The following SHANK2 variants were observed in gnomAD, a reference collection of about 807,000 sequenced individuals.
The protein encoded by SHANK2 is SH3 and multiple ankyrin repeat domains protein 2.
Under a neutral mutation model 133.7 loss-of-function variants are expected in SHANK2, and 43 were observed. The observed-to-expected ratio is 0.32, with a 90% CI of 0.25 to 0.41. SHANK2 has a LOEUF of 0.41. SHANK2 is among the 10% of genes least tolerant of loss of function. The pLI, the probability that SHANK2 is intolerant of heterozygous loss-of-function variation, is 1.00. For missense variants in SHANK2, 1,994 were observed against 2,235.8 expected, an observed-to-expected ratio of 0.89 and a Z score of 2.18; for synonymous variants, 1,017 against 952.8, an observed-to-expected ratio of 1.07 and a Z score of -1.24.
chr11:70,493,920 C>G (rs1397966476), intron 21 of SHANK2, among the ~76,000 whole-genome samples: 1 of 152,108 alleles, frequency 6.6e-6, no homozygotes, highest in Non-Finnish European at 1.5e-5. Flanking sequence ...GGAGGAAGGC[C>G]CCCATCTCCA....
intron 10 of SHANK2, among the ~76,000 whole-genome samples, chr11:70,951,377 T>C (rs147249020): frequency 1.6e-3 from 228 of 143,972 alleles, no homozygotes; most frequent in African/African-American, 5.6e-3. Context: ...TGGGTGGTGA[T>C]GTCATAAATT....
chr11:70,492,718 T>A (rs1487250793), intron 21 of SHANK2, among the ~76,000 whole-genome samples: 3 of 151,688 alleles, frequency 2.0e-5, no homozygotes, highest in African/African-American at 7.3e-5. Flanking sequence ...TCGGCCACCT[T>A]CTTAAGTGCC....
intron 17 of SHANK2, among the ~76,000 whole-genome samples, chr11:70,657,203 C>G (rs2061415557): frequency 6.6e-6 from 1 of 152,134 alleles, no homozygotes; most frequent in Non-Finnish European, 1.5e-5. Flanking sequence ...AGACAGAATG[C>G]CTGCATTTTG....
intron 14 of SHANK2, among the ~76,000 whole-genome samples, chr11:70,784,023 GA>G (rs1283453763): frequency 6.6e-6 from 1 of 152,202 alleles, no homozygotes; most frequent in Admixed American, 6.5e-5. Context: ...GGACAGGCTG[GA>G]AGTGGGAACA....
intron 17 of SHANK2, chr11:70,604,801 T>G (rs1470029211): frequency 2.0e-5 from 3 of 152,294 alleles, no homozygotes; most frequent in Admixed American, 6.5e-5. Flanking sequence ...TCACCCCATT[T>G]CACAGATGAC....
At chr11:70,628,599 G>T (rs1433793021) in intron 17 of SHANK2, among the ~76,000 whole-genome samples, 1 of 152,192 alleles carries the variant, frequency 6.6e-6, no homozygotes, top group African/African-American at 2.4e-5. Context: ...CCCATGGGAG[G>T]CAGAGCTGGC....
Position 71,214,802 on chromosome 11 carries a change from T to A in SHANK2, c.-13+9895A>T, listed in dbSNP as rs538472867. ...TGCAGCTGTCCTCTCGTGCAATTGC[T>A]AAGAAGGTGAAGTGGGGTCACAAAA... is the stretch of plus-strand genomic sequence containing the variant. On this transcript the variant is annotated intron_variant, in intron 2 of 25. Transcript: ENST00000601538. 2.6e-5 allele frequency among the ~76,000 whole-genome samples: 4 copies of A among 152,226 alleles called. No individual in the cohort carries two copies. In the South Asian group the frequency reaches 8.3e-4, roughly 32 times the overall value.
At chr11:71,070,756 G>A (rs922962446) in intron 9 of SHANK2, among the ~76,000 whole-genome samples, 1 of 152,274 alleles carries the variant, frequency 6.6e-6, no homozygotes, top group Non-Finnish European at 1.5e-5. Flanking sequence ...CACTACAGTG[G>A]CAGTTGAATC....
intron 8 of SHANK2, among the ~76,000 whole-genome samples, chr11:71,085,016 G>A (rs1219728968): frequency 1.3e-5 from 2 of 151,430 alleles, no homozygotes; most frequent in African/African-American, 2.4e-5. Flanking sequence ...GGTTTGCTAC[G>A]GGTCCTATAC....
At chr11:71,180,488 T>C (rs1353228079) in intron 2 of SHANK2, among the ~76,000 whole-genome samples, 4 of 152,144 alleles carry the variant, frequency 2.6e-5, no homozygotes, top group African/African-American at 9.7e-5. Context: ...TTCCTTACCC[T>C]GTGCCCATCT....
intron 10 of SHANK2, among the ~76,000 whole-genome samples, chr11:70,945,820 T>C (rs1330393452): frequency 6.6e-6 from 1 of 152,126 alleles, no homozygotes; most frequent in Non-Finnish European, 1.5e-5. Flanking sequence ...GGGCTCACCC[T>C]TCCAGCGCAC....
chr11:70,836,385 T>C (rs965982820), intron 11 of SHANK2, among the ~76,000 whole-genome samples: 1 of 152,120 alleles, frequency 6.6e-6, no homozygotes, highest in Non-Finnish European at 1.5e-5. Flanking sequence ...AGCCTGCAAG[T>C]TGGAGAAAGG....
chr11:70,668,011 A>T (rs1221295431), intron 15 of SHANK2: 1 of 152,140 alleles, frequency 6.6e-6, no homozygotes, highest in Non-Finnish European at 1.5e-5. Context: ...AAATCAATCC[A>T]GCTGTTACAT....
chr11:71,252,789 C>T (rs532658622), upstream of SHANK2, among the ~76,000 whole-genome samples: 151 of 151,890 alleles, frequency 9.9e-4, 1 homozygote, highest in African/African-American at 3.5e-3. The surrounding 1 kb of genome is among the most constrained non-coding windows in gnomAD (Gnocchi z 6.3). Flanking sequence ...TTGTGGCAAC[C>T]CCGGGAGACC....
At chr11:70,637,672 C>T (rs1310212098) in intron 17 of SHANK2, among the ~76,000 whole-genome samples, 1 of 152,204 alleles carries the variant, frequency 6.6e-6, no homozygotes, top group South Asian at 2.1e-4. Context: ...GTGAGGCTGG[C>T]GCCCTGGCGA....
At chr11:70,895,241 G>A (rs1359445556) in intron 11 of SHANK2, among the ~76,000 whole-genome samples, 4 of 152,214 alleles carry the variant, frequency 2.6e-5, no homozygotes, top group African/African-American at 4.8e-5. Flanking sequence ...CGTGGTTGAC[G>A]TAGGGCACAC....
chr11:70,819,195 A>T (rs1413526592), intron 12 of SHANK2, among the ~76,000 whole-genome samples: 1 of 152,256 alleles, frequency 6.6e-6, no homozygotes. Context: ...CCAAGGCCCA[A>T]ATCTGAGGGA....
At chr11:70,854,468 A>G (rs1213978794) in intron 11 of SHANK2, among the ~76,000 whole-genome samples, 4 of 152,212 alleles carry the variant, frequency 2.6e-5, no homozygotes, top group Non-Finnish European at 4.4e-5. Context: ...CAGGTGCCTC[A>G]GATTCCACCC....
intron 2 of SHANK2, among the ~76,000 whole-genome samples, chr11:71,189,316 A>G (rs1173568593): frequency 3.3e-5 from 5 of 152,314 alleles, no homozygotes; most frequent in East Asian, 3.9e-4. Flanking sequence ...CTGGTGACCA[A>G]TCAGTGCCTG....
Sources: gnomAD v4.1 joint callset for allele counts (sites outside exome capture counted in the v4.1 genomes callset) on GRCh38, gnomAD v4.1.1 for gene constraint, Gnocchi (gnomAD v3.1) non-coding constraint, MANE v1.5 for transcripts, NCBI Gene and HGNC (gene_info 2026-07-23, HGNC 2026-07-21) for gene names.